The following GRIK2 variants were observed in gnomAD, a reference collection of about 807,000 sequenced individuals.
GRIK2 encodes the protein glutamate receptor ionotropic, kainate 2.
A neutral mutation model predicts 100.3 loss-of-function variants in GRIK2; 32 were observed. The observed-to-expected ratio is 0.32, with a 90% confidence interval of 0.24 to 0.43. The LOEUF (loss-of-function observed/expected upper bound fraction) is 0.43, where lower values mean the gene tolerates loss of function less well. Ranked by LOEUF, GRIK2 falls within the 20% of genes least tolerant of loss-of-function variation. GRIK2 has a pLI of 1.00. For synonymous variants in GRIK2, 417 were observed against 389.4 expected (o/e 1.07, Z -0.83); for missense variants, 843 against 1,114.9 (o/e 0.76, Z 3.47).
intron 14 of GRIK2, among the ~76,000 whole-genome samples, chr6:101,985,990 A>G (rs1171864444): frequency 6.6e-6 from 1 of 151,806 alleles, no homozygotes; most frequent in East Asian, 1.9e-4. Flanking sequence ...GATGCTATTA[A>G]AAAGTATTTC....
chr6:102,040,848 A>G (rs1394176003), intron 15 of GRIK2, among the ~76,000 whole-genome samples: 1 of 151,682 alleles, frequency 6.6e-6, no homozygotes, highest in East Asian at 1.9e-4. Context: ...TTAGTTTAAC[A>G]TAATGCACAA....
chr6:101,542,234 A>G (rs1405758444), intron 2 of GRIK2, among the ~76,000 whole-genome samples: 2 of 152,062 alleles, frequency 1.3e-5, no homozygotes, highest in East Asian at 3.9e-4. Context: ...TTTTTCTTGT[A>G]AATTCAAAGA....
At chr6:101,499,384 G>A (rs1773630526) in intron 2 of GRIK2, among the ~76,000 whole-genome samples, 2 of 151,936 alleles carry the variant, frequency 1.3e-5, no homozygotes, top group South Asian at 4.1e-4. Flanking sequence ...TTATTGATAT[G>A]TTAGTACATT....
chr6:102,053,119 T>TACAC (rs1771289015), intron 15 of GRIK2, among the ~76,000 whole-genome samples: 1 of 123,122 alleles, frequency 8.1e-6, no homozygotes, highest in East Asian at 2.4e-4. Flanking sequence ...CACACATACA[T>TACAC]ACACACACAA....
chr6:101,583,765 CTTTCA>C (rs988390976), intron 2 of GRIK2, among the ~76,000 whole-genome samples: 39 of 151,944 alleles, frequency 2.6e-4, no homozygotes, highest in African/African-American at 8.9e-4. Flanking sequence ...TTTTTTTGTC[CTTTCA>C]TTTCATTTGG....
At chr6:101,537,949 G>T (rs902172926) in intron 2 of GRIK2, among the ~76,000 whole-genome samples, 24 of 151,724 alleles carry the variant, frequency 1.6e-4, no homozygotes, top group African/African-American at 5.8e-4. Flanking sequence ...GAAATATGAT[G>T]GAGATGAACT....
chr6:101,818,378 G>T lies in GRIK2; in HGVS notation c.1212G>T (p.Thr404=). Residue 404 remains threonine, a synonymous_variant, in exon 10 of 17, where the codon ACG becomes ACT. Coordinates refer to ENST00000369134, the MANE Select transcript of GRIK2 (RefSeq NM_021956.5). The part of the protein sequence containing the change: ...LKEEGLEKIG[T]WDPASGLNMT... The stretch of plus-strand genomic sequence containing the variant: ...CATATGCTATTTTATAGATTGGAAC[G>T]TGGGATCCAGCCAGTGGCCTGAATA... The T allele has an allele frequency of 3.1e-6, 5 of 1,589,352 alleles. No individual in the cohort carries two copies. The highest frequency in any genetic ancestry group is 4.3e-6 in the Non-Finnish European group (5 of 1,157,732).
intron 7 of GRIK2, among the ~76,000 whole-genome samples, chr6:101,702,605 A>G (rs1287687208): frequency 6.6e-6 from 1 of 151,926 alleles, no homozygotes; most frequent in Non-Finnish European, 1.5e-5. Flanking sequence ...TGTTTTTGGA[A>G]TAGAGCTATA....
chr6:101,670,507 A>G (rs948172192), intron 4 of GRIK2, among the ~76,000 whole-genome samples: 2 of 152,160 alleles, frequency 1.3e-5, no homozygotes, highest in Non-Finnish European at 2.9e-5. Flanking sequence ...AGACTTGAAA[A>G]TACTTGGCAG....
At chr6:101,861,296 T>A (rs1784719685) in intron 11 of GRIK2, among the ~76,000 whole-genome samples, 1 of 152,160 alleles carries the variant, frequency 6.6e-6, no homozygotes, top group Admixed American at 6.5e-5. Context: ...TATTTATGAG[T>A]GTTTGTGTTG....
At chr6:101,874,732 T>TC (rs1785691623) in intron 11 of GRIK2, among the ~76,000 whole-genome samples, 1 of 152,040 alleles carries the variant, frequency 6.6e-6, no homozygotes, top group South Asian at 2.1e-4. Context: ...TCCATGAGCA[T>TC]GGAGTGTTCT....
chr6:101,813,662 A>G (rs930742503), intron 9 of GRIK2, among the ~76,000 whole-genome samples: 1 of 152,118 alleles, frequency 6.6e-6, no homozygotes, highest in Non-Finnish European at 1.5e-5. Context: ...TTACAACCCC[A>G]CATTAAATTA....
chr6:101,409,112 G>A (rs922738642), intron 2 of GRIK2, among the ~76,000 whole-genome samples: 2 of 42,910 alleles, frequency 4.7e-5, no homozygotes, highest in East Asian at 1.2e-3. Flanking sequence ...TTGTGTATGT[G>A]TGTGTGTGTG....
intron 14 of GRIK2, among the ~76,000 whole-genome samples, chr6:101,962,081 G>C (rs926796541): frequency 7.9e-5 from 12 of 152,124 alleles, no homozygotes; most frequent in African/African-American, 2.9e-4. Context: ...CCAGAAATCA[G>C]CAGTATGACA....
rs74863154 is a variant in GRIK2 at position 102,011,310 on chromosome 6, T to C, written c.2086-24031T>C. 7.6e-3 allele frequency among the ~76,000 whole-genome samples: 1,160 copies of C among 152,198 alleles called. 14 individuals are homozygous for C. The highest frequency in any genetic ancestry group is 0.041 in the East Asian group (214 of 5,164). ...CTTAATGATATATGATGCTAAAAAA[T>C]TTTCATAAGCTTACTTTCTATCCAT... On this transcript the variant is annotated intron_variant, in intron 14 of 16. Coordinates refer to ENST00000369134, the MANE Select transcript of GRIK2 (RefSeq NM_021956.5).
chr6:101,795,790 G>C (rs1333786535), intron 7 of GRIK2, among the ~76,000 whole-genome samples: 1 of 152,182 alleles, frequency 6.6e-6, no homozygotes, highest in Admixed American at 6.5e-5. Flanking sequence ...ATAGTGCCAG[G>C]GGTGTGGGCC....
At chr6:101,672,098 A>G (rs887653867) in intron 4 of GRIK2, among the ~76,000 whole-genome samples, 1 of 152,064 alleles carries the variant, frequency 6.6e-6, no homozygotes. Context: ...TGCTCAAACT[A>G]TCTTATGGAA....
chr6:101,637,891 G>A (rs948907894), intron 4 of GRIK2, among the ~76,000 whole-genome samples: 1 of 152,064 alleles, frequency 6.6e-6, no homozygotes, highest in African/African-American at 2.4e-5. Flanking sequence ...CTCTCTGCCT[G>A]ATGTGTCTTT....
chr6:101,793,329 C>T (rs1452117220), intron 7 of GRIK2, among the ~76,000 whole-genome samples: 1 of 152,074 alleles, frequency 6.6e-6, no homozygotes, highest in Admixed American at 6.5e-5. Flanking sequence ...TTTTCCCCAT[C>T]TTTGTGGTAT....
Sources: gnomAD v4.1 joint callset for allele counts (sites outside exome capture counted in the v4.1 genomes callset) on GRCh38, gnomAD v4.1.1 for gene constraint, MANE v1.5 for transcripts, NCBI Gene and HGNC (gene_info 2026-07-23, HGNC 2026-07-21) for gene names.